The following CSMD3 variants were observed in gnomAD, a reference collection of about 807,000 sequenced individuals.
CSMD3 encodes the protein CUB and sushi domain-containing protein 3.
A neutral mutation model predicts 435.2 loss-of-function variants in CSMD3; 177 were observed. The observed-to-expected ratio is 0.41, with a 90% confidence interval of 0.36 to 0.46. The LOEUF (loss-of-function observed/expected upper bound fraction) is 0.46, where lower values mean the gene tolerates loss of function less well. CSMD3 is among the 20% of genes least tolerant of loss of function. CSMD3 has a pLI of 0.34. For missense variants in CSMD3, 4,265 were observed against 4,504.6 expected (o/e 0.95, Z 1.52); for synonymous variants, 1,656 against 1,520.5 (o/e 1.09, Z -2.07).
intron 3 of CSMD3, among the ~76,000 whole-genome samples, chr8:113,191,909 T>C (rs2092591378): frequency 6.6e-6 from 1 of 151,720 alleles, no homozygotes; most frequent in Non-Finnish European, 1.5e-5. Context: ...CTTGCCAGCA[T>C]CTGTTATTTC....
intron 27 of CSMD3, among the ~76,000 whole-genome samples, chr8:112,523,800 C>T (rs928048573): frequency 1.2e-4 from 18 of 152,038 alleles, no homozygotes; most frequent in African/African-American, 4.3e-4. Context: ...CACACTCTGC[C>T]AGCTACTCAG....
chr8:113,134,858 C>T (rs2091375093), intron 4 of CSMD3, among the ~76,000 whole-genome samples: 1 of 151,860 alleles, frequency 6.6e-6, no homozygotes, highest in Non-Finnish European at 1.5e-5. Context: ...TGTTCAGCTT[C>T]CACTGAAGGC....
intron 32 of CSMD3, among the ~76,000 whole-genome samples, chr8:112,461,228 A>T (rs1016711150): frequency 1.3e-5 from 2 of 152,160 alleles, no homozygotes; most frequent in Non-Finnish European, 2.9e-5. Context: ...TTCCTTGTTT[A>T]CAAAAGACTC....
chr8:112,425,421 C>T (rs1046538606), intron 32 of CSMD3, among the ~76,000 whole-genome samples: 8 of 152,080 alleles, frequency 5.3e-5, no homozygotes, highest in African/African-American at 1.7e-4. Context: ...TAAAGGAAGC[C>T]TATTGTCTTT....
intron 3 of CSMD3, among the ~76,000 whole-genome samples, chr8:113,259,534 G>C (rs1347247157): frequency 1.3e-5 from 2 of 152,102 alleles, no homozygotes; most frequent in African/African-American, 4.8e-5. Context: ...AATTATTTTA[G>C]AGACTGGTGT....
At chr8:113,156,429 T>C (rs1163047728) in intron 4 of CSMD3, among the ~76,000 whole-genome samples, 3 of 152,042 alleles carry the variant, frequency 2.0e-5, no homozygotes, top group Non-Finnish European at 4.4e-5. Context: ...CAGACTATTC[T>C]CTTCGTGATA....
intron 9 of CSMD3, among the ~76,000 whole-genome samples, chr8:112,935,602 CCT>C (rs1465252995): frequency 6.6e-6 from 1 of 151,590 alleles, no homozygotes; most frequent in East Asian, 1.9e-4. Context: ...AAATCTCTCA[CCT>C]TTTTTGTTAA....
chr8:113,181,774 T>C (rs2092424825), intron 3 of CSMD3, among the ~76,000 whole-genome samples: 1 of 152,016 alleles, frequency 6.6e-6, no homozygotes, highest in African/African-American at 2.4e-5. Flanking sequence ...TTAGCAGCCA[T>C]ACTCACATTA....
intron 20 of CSMD3, 52 bp downstream of exon 20, chr8:112,645,057 C>T: frequency 1.1e-6 from 1 of 922,774 alleles, no homozygotes; most frequent in East Asian, 2.4e-5. Context: ...TAAGAATAGA[C>T]TCAATGAAAA....
At chr8:112,478,163 C>A (rs189183908) in intron 31 of CSMD3, among the ~76,000 whole-genome samples, 1 of 152,274 alleles carries the variant, frequency 6.6e-6, no homozygotes, top group East Asian at 1.9e-4. Flanking sequence ...TCCAATAAAC[C>A]TCTTTCCTTT....
At chr8:113,250,164 A>T (rs1377480747) in intron 3 of CSMD3, among the ~76,000 whole-genome samples, 2 of 152,124 alleles carry the variant, frequency 1.3e-5, no homozygotes, top group South Asian at 4.1e-4. Flanking sequence ...TATAGGATAT[A>T]ATTACATCTA....
intron 10 of CSMD3, among the ~76,000 whole-genome samples, chr8:112,914,986 C>G (rs1413646252): frequency 6.6e-6 from 1 of 151,928 alleles, no homozygotes; most frequent in African/African-American, 2.4e-5. Context: ...TAAGTCATCA[C>G]AGATCTTCAA....
chr8:113,388,836 T>C (rs956087514), intron 1 of CSMD3, among the ~76,000 whole-genome samples: 1 of 151,586 alleles, frequency 6.6e-6, no homozygotes, highest in Admixed American at 6.6e-5. Flanking sequence ...CAAACAGATA[T>C]TAGCTACTGA....
chr8:112,791,319 G>GAA (rs3047119), intron 13 of CSMD3, among the ~76,000 whole-genome samples: 1 of 103,190 alleles, frequency 9.7e-6, no homozygotes, highest in Non-Finnish European at 1.9e-5. Flanking sequence ...CATATCCTGT[G>GAA]AAAAAAAAAA....
intron 39 of CSMD3, among the ~76,000 whole-genome samples, chr8:112,352,119 G>T (rs1296687114): frequency 6.6e-6 from 1 of 151,990 alleles, no homozygotes; most frequent in Non-Finnish European, 1.5e-5. Flanking sequence ...CAAAAGTAAA[G>T]ATTAATTTTT....
At chr8:112,512,592 C>T (rs1345183921) in intron 28 of CSMD3, among the ~76,000 whole-genome samples, 1 of 152,100 alleles carries the variant, frequency 6.6e-6, no homozygotes, top group East Asian at 1.9e-4. Context: ...TTAATTGTTC[C>T]ATTTATAGAT....
chr8:112,376,861 T>C (rs16883492), intron 38 of CSMD3, among the ~76,000 whole-genome samples: 3,976 of 152,246 alleles, frequency 0.026, 162 homozygotes, highest in African/African-American at 0.091. Flanking sequence ...CTAAAGGATA[T>C]GGTAAACTGC....
At position 112,656,435 on chromosome 8, in the gene CSMD3, T is replaced by A. The variant is rs535258943; in HGVS notation, c.2817-94A>T. 1.1e-3 allele frequency: 992 copies of A among 890,504 alleles called. 6 individuals carry two copies. Among genetic ancestry groups the A allele is most frequent in the African/African-American group, 2.1e-4 (12 of 58,132 alleles). The allele number at this position is 890,504 out of a possible 1,614,324, so 55.2% of individuals were successfully genotyped here. ...CTGCTATTTAAATTCCTATTTAAAA[T>A]TTTTCCATTTTATATTATAATTTTC... On this transcript the variant is annotated intron_variant, in intron 17 of 70. Transcript: ENST00000297405.
In CSMD3 at chr8:113,173,915, T is replaced by C. The variant is rs757024676; in HGVS notation, c.516A>G (p.Glu172=). The C allele has an allele frequency of 3.7e-6, 6 of 1,611,410 alleles. No individual in the cohort carries two copies. The East Asian group carries it at 8.9e-5, about 24-fold the overall frequency. ...SAHGFKVYYE[E]LQSSSCGNPG... Reference sequence around the variant, plus strand: ...GATTTCCACAAGAGCTACTCTGCAATTCTATTAAAAAGGAGGAAAAGGAGA... The same window carrying C: ...GATTTCCACAAGAGCTACTCTGCAACTCTATTAAAAAGGAGGAAAAGGAGA... The change falls in exon 4 of 71, where the codon GAA becomes GAG. Residue 172 remains glutamate (E), a splice_region_variant and synonymous_variant. Coordinates refer to ENST00000297405, the MANE Select transcript of CSMD3 (RefSeq NM_198123.2).
Sources: allele counts gnomAD v4.1 joint callset (sites outside exome capture counted in the v4.1 genomes callset), GRCh38; gene constraint gnomAD v4.1.1; transcripts MANE v1.5; gene names NCBI Gene and HGNC (gene_info 2026-07-23, HGNC 2026-07-21).